The following NMNAT2 variants were observed in gnomAD, a reference collection of about 807,000 sequenced individuals.
NMNAT2 encodes the protein nicotinamide/nicotinic acid mononucleotide adenylyltransferase 2.
In NMNAT2, 11 loss-of-function variants were observed where a neutral mutation model predicts 41.6. The ratio of observed to expected loss-of-function variants is 0.26; its 90% CI spans 0.17 to 0.44. The LOEUF is 0.44. Among genes scored for constraint, NMNAT2 ranks in the 20% least tolerant of loss-of-function variants. The pLI is 1.00. For missense variants in NMNAT2, 288 were observed against 407.7 expected (o/e 0.71, Z 2.53); for synonymous variants, 148 against 151.2 (o/e 0.98, Z 0.16).
At chr1:183,299,828 T>A (rs1279196239) in intron 1 of NMNAT2, among the ~76,000 whole-genome samples, 3 of 152,208 alleles carry the variant, frequency 2.0e-5, no homozygotes, top group East Asian at 1.9e-4. Context: ...TCTACCCTTT[T>A]GATAAGATAA....
intron 1 of NMNAT2, among the ~76,000 whole-genome samples, chr1:183,377,874 G>A (rs966965077): frequency 4.6e-5 from 7 of 152,002 alleles, no homozygotes; most frequent in Non-Finnish European, 8.8e-5. Flanking sequence ...AAGCAAACAA[G>A]GATCAGATAG....
At chr1:183,404,371 T>C (rs377387999) in intron 1 of NMNAT2, among the ~76,000 whole-genome samples, 1 of 152,350 alleles carries the variant, frequency 6.6e-6, no homozygotes, top group East Asian at 1.9e-4. Flanking sequence ...ATTACAGGCG[T>C]GAGCCACTGC....
intron 1 of NMNAT2, among the ~76,000 whole-genome samples, chr1:183,403,608 G>T (rs1418802665): frequency 6.6e-6 from 1 of 152,220 alleles, no homozygotes; most frequent in Non-Finnish European, 1.5e-5. Context: ...AGCAAGTGCA[G>T]TGCGAAGGGC....
intron 1 of NMNAT2, among the ~76,000 whole-genome samples, chr1:183,334,616 T>G (rs1304672113): frequency 6.6e-6 from 1 of 151,500 alleles, no homozygotes; most frequent in African/African-American, 2.4e-5. Context: ...TTCAAGCGAT[T>G]CTCCTGCCTC....
chr1:183,325,208 G>A (rs1662436675), intron 1 of NMNAT2, among the ~76,000 whole-genome samples: 1 of 152,242 alleles, frequency 6.6e-6, no homozygotes, highest in African/African-American at 2.4e-5. Flanking sequence ...CTGAGGCCCA[G>A]TGAGATGATC....
At chr1:183,383,303 G>T (rs191382216) in intron 1 of NMNAT2, among the ~76,000 whole-genome samples, 2 of 152,290 alleles carry the variant, frequency 1.3e-5, no homozygotes, top group African/African-American at 4.8e-5. Context: ...TTCCCTCCTA[G>T]GCCACCAGGT....
At chr1:183,292,636 G>A (rs1243079764) in intron 3 of NMNAT2, among the ~76,000 whole-genome samples, 154 bp downstream of exon 3, 1 of 152,160 alleles carries the variant, frequency 6.6e-6, no homozygotes, top group African/African-American at 2.4e-5. Flanking sequence ...GGTATCCCTG[G>A]AGGTCTACTT....
chr1:183,315,867 A>G (rs548551115), intron 1 of NMNAT2, among the ~76,000 whole-genome samples: 5 of 152,230 alleles, frequency 3.3e-5, no homozygotes, highest in Middle Eastern at 3.4e-3. Context: ...ATATCTATGT[A>G]ATAAACCTGC....
At chr1:183,302,776 C>T (rs1166115613) in intron 1 of NMNAT2, among the ~76,000 whole-genome samples, 1 of 152,292 alleles carries the variant, frequency 6.6e-6, no homozygotes, top group East Asian at 1.9e-4. Flanking sequence ...CCTGTCATTC[C>T]CAGAACCACA....
Position 183,354,953 on chromosome 1 carries a change from A to G in NMNAT2, c.86-61160T>C, listed in dbSNP as rs149890338. ...GTAATAAGTTAAATTTTCGAAACAT[A>G]TATCAGAACATGTCAATTTTCTGCT... On this transcript the variant is annotated intron_variant, in intron 1 of 10. Coordinates refer to ENST00000287713, the MANE Select transcript of NMNAT2 (RefSeq NM_015039.4). Among the ~76,000 whole-genome samples the G allele has an allele frequency of 8.5e-5, 13 of 152,306 alleles. No homozygotes were observed. In the East Asian group the frequency reaches 2.3e-3, roughly 27 times the overall value.
At chr1:183,261,923 AT>A (rs5779161) in intron 8 of NMNAT2, among the ~76,000 whole-genome samples, 144,370 of 150,014 alleles carry the variant, frequency 0.96, 69,711 homozygotes, top group East Asian at 1. Flanking sequence ...GAGAAATGAA[AT>A]TTTTTTTTTT....
At chr1:183,340,516 G>T (rs962311940) in intron 1 of NMNAT2, among the ~76,000 whole-genome samples, 57 of 152,090 alleles carry the variant, frequency 3.7e-4, no homozygotes, top group African/African-American at 1.4e-3. Context: ...TGGAGACAGG[G>T]TTTCACCATG....
intron 1 of NMNAT2, among the ~76,000 whole-genome samples, chr1:183,370,225 C>G (rs1275482276): frequency 1.8e-5 from 1 of 56,276 alleles, no homozygotes; most frequent in Non-Finnish European, 3.4e-5. Flanking sequence ...TCAACACATA[C>G]ACACACACAC....
Position 183,311,744 on chromosome 1 carries a change from C to T in NMNAT2, c.86-17951G>A, listed in dbSNP as rs989748997. On this transcript the variant is annotated intron_variant, in intron 1 of 10. Coordinates refer to ENST00000287713, the MANE Select transcript of NMNAT2 (RefSeq NM_015039.4). The stretch of plus-strand genomic sequence containing the variant: ...CCCTACACACACACACACACACACA[C>T]ACACACACACACACACACACACGCC... Among the ~76,000 whole-genome samples, 33 of 151,828 alleles carry T rather than the reference C, an allele frequency of 2.2e-4. 1 individual carries two copies. The highest frequency in any genetic ancestry group is 6.8e-3 in the Middle Eastern group (2 of 294).
In NMNAT2 at chr1:183,367,413, G is replaced by A. The variant is rs540302111; in HGVS notation, c.85+50770C>T. The stretch of plus-strand genomic sequence containing the variant: ...GTGAAGTTTGCAGTGAGCCGAGATC[G>A]TGCCATTGTACTCCAGCCTGGGCAA... On this transcript the variant is annotated intron_variant, in intron 1 of 10. Transcript: ENST00000287713. Among the ~76,000 whole-genome samples, 29 of 152,290 alleles carry A rather than the reference G, an allele frequency of 1.9e-4. No homozygotes were observed. The South Asian group carries it at 5.8e-3, about 30-fold the overall frequency.
intron 1 of NMNAT2, chr1:183,304,814 C>T: frequency 6.2e-7 from 1 of 1,606,948 alleles, no homozygotes; most frequent in Admixed American, 1.7e-5. Context: ...AGTGGTGCAG[C>T]TGCTCCCTCA....
At chr1:183,289,221 C>T (rs1035635480) in intron 4 of NMNAT2, among the ~76,000 whole-genome samples, 1 of 152,176 alleles carries the variant, frequency 6.6e-6, no homozygotes, top group Non-Finnish European at 1.5e-5. Flanking sequence ...CTATCTGGGG[C>T]TGCGGAGGGC....
intron 1 of NMNAT2, among the ~76,000 whole-genome samples, chr1:183,343,080 G>T (rs1662854231): frequency 6.6e-6 from 1 of 152,052 alleles, no homozygotes; most frequent in Non-Finnish European, 1.5e-5. Context: ...AAGATGTTTT[G>T]TCTTCATGTC....
chr1:183,414,204 G>A (rs1649196664), intron 1 of NMNAT2, among the ~76,000 whole-genome samples: 1 of 152,196 alleles, frequency 6.6e-6, no homozygotes, highest in Admixed American at 6.5e-5. Flanking sequence ...TGAGGCTGCA[G>A]GAAGCCATGA....
Sources: allele counts gnomAD v4.1 joint callset (sites outside exome capture counted in the v4.1 genomes callset), GRCh38; gene constraint gnomAD v4.1.1; transcripts MANE v1.5; gene names NCBI Gene and HGNC (gene_info 2026-07-23, HGNC 2026-07-21).